Variants in LCP2 observed in about 807,000 individuals in gnomAD.
The protein encoded by LCP2 is 76 kDa tyrosine phosphoprotein.
A neutral mutation model predicts 74.5 loss-of-function variants in LCP2; 29 were observed. The observed-to-expected ratio is 0.39, with a 90% CI of 0.29 to 0.53. The LOEUF (loss-of-function observed/expected upper bound fraction) is 0.53, where lower values mean the gene tolerates loss of function less well. Among genes scored for constraint, LCP2 ranks in the 20% least tolerant of loss-of-function variants. The probability of loss-of-function intolerance (pLI) is 0.72; values close to 1 mark genes in which losing one functional copy is unlikely to be tolerated. For missense variants in LCP2, 604 were observed against 634.6 expected (o/e 0.95, Z 0.52); for synonymous variants, 228 against 229.5 (o/e 0.99, Z 0.06).
At chr5:170,283,203 G>A (rs768363413) in intron 3 of LCP2, among the ~76,000 whole-genome samples, 2 of 152,130 alleles carry the variant, frequency 1.3e-5, no homozygotes, top group Non-Finnish European at 2.9e-5. Flanking sequence ...TGGAGGAGGG[G>A]ATTACATCGC....
intron 3 of LCP2, among the ~76,000 whole-genome samples, chr5:170,284,305 G>C (rs1386924064): frequency 1.3e-5 from 2 of 152,160 alleles, no homozygotes; most frequent in Non-Finnish European, 2.9e-5. Flanking sequence ...TTCAGATTTT[G>C]TGTGTCTGAA....
intron 6 of LCP2, among the ~76,000 whole-genome samples, chr5:170,273,515 G>T (rs1761932508): frequency 6.6e-6 from 1 of 152,102 alleles, no homozygotes; most frequent in Non-Finnish European, 1.5e-5. Context: ...CTTACCAGAA[G>T]GCCCACGTGA....
intron 6 of LCP2, among the ~76,000 whole-genome samples, chr5:170,273,348 G>A (rs315741): frequency 0.71 from 108,310 of 152,132 alleles, 39,384 homozygotes; most frequent in African/African-American, 0.84. Flanking sequence ...CTTTGTACCA[G>A]AGAAATCTGT....
At chr5:170,290,463 C>G (rs769688706) in intron 2 of LCP2, among the ~76,000 whole-genome samples, 3 of 152,158 alleles carry the variant, frequency 2.0e-5, no homozygotes, top group Non-Finnish European at 4.4e-5. Flanking sequence ...TAAGATATAA[C>G]CAAAGTCTGC....
intron 18 of LCP2, among the ~76,000 whole-genome samples, chr5:170,252,903 A>G (rs1367056419): frequency 6.6e-6 from 1 of 152,278 alleles, no homozygotes; most frequent in Non-Finnish European, 1.5e-5. Context: ...TTGCTGTTTA[A>G]TGCAAAACAC....
chr5:170,285,639 T>A (rs1762171120), intron 3 of LCP2, among the ~76,000 whole-genome samples: 1 of 152,220 alleles, frequency 6.6e-6, no homozygotes, highest in South Asian at 2.1e-4. Flanking sequence ...CTAGGCACTC[T>A]ACCGAATGAC....
At chr5:170,284,878 G>A (rs1762157729) in intron 3 of LCP2, among the ~76,000 whole-genome samples, 1 of 151,676 alleles carries the variant, frequency 6.6e-6, no homozygotes, top group Non-Finnish European at 1.5e-5. Context: ...AGCCTCTTCA[G>A]TAGCTGGAAC....
chr5:170,267,002 T>C lies in LCP2; in HGVS notation c.688+7A>G. On this transcript the variant is annotated splice_region_variant and intron_variant, in intron 9 of 20. Coordinates refer to ENST00000046794, the MANE Select transcript of LCP2 (RefSeq NM_005565.5). Reference sequence around the variant, plus strand: ...ACAGGGCAAGAGAGAGCAGCCCTTGTACTCACGCTTTGCCGTTTTGTGGTT... The same window carrying C: ...ACAGGGCAAGAGAGAGCAGCCCTTGCACTCACGCTTTGCCGTTTTGTGGTT... 6.2e-7 allele frequency: 1 copy of C among 1,613,976 alleles called. No homozygotes were observed. Among genetic ancestry groups the C allele is most frequent in the Non-Finnish European group, 8.5e-7 (1 of 1,179,876 alleles).
intron 2 of LCP2, among the ~76,000 whole-genome samples, chr5:170,292,782 C>A (rs1203527653): frequency 6.6e-6 from 1 of 152,184 alleles, no homozygotes; most frequent in Non-Finnish European, 1.5e-5. Flanking sequence ...CCTTTAATGG[C>A]TTAGTCTTTA....
intron 2 of LCP2, among the ~76,000 whole-genome samples, chr5:170,289,636 T>C (rs1297792124): frequency 9.4e-6 from 1 of 106,616 alleles, no homozygotes; most frequent in Non-Finnish European, 1.9e-5. Flanking sequence ...TTTCTTTCTT[T>C]CTTTCTTTCT....
chr5:170,285,937 C>T (rs1250562684), intron 3 of LCP2, among the ~76,000 whole-genome samples: 1 of 152,230 alleles, frequency 6.6e-6, no homozygotes, highest in Non-Finnish European at 1.5e-5. Context: ...ACTGTGCTCC[C>T]TGCTCCCTGT....
intron 1 of LCP2, among the ~76,000 whole-genome samples, chr5:170,293,995 T>C (rs573482298): frequency 6.6e-6 from 1 of 152,214 alleles, no homozygotes; most frequent in Non-Finnish European, 1.5e-5. Context: ...AAGCTTTCTG[T>C]GTGGCAGGCA....
intron 17 of LCP2, 75 bp from the exon 18 acceptor site, chr5:170,253,288 T>TC: frequency 5.4e-6 from 5 of 924,750 alleles, no homozygotes; most frequent in Non-Finnish European, 8.3e-6. Flanking sequence ...CAAAACACAT[T>TC]CCCCCCACTC....
At chr5:170,261,277 A>G in intron 13 of LCP2, 140 bp from the exon 14 acceptor site, 1 of 663,884 alleles carries the variant, frequency 1.5e-6, no homozygotes, top group South Asian at 1.7e-5. Context: ...ACAGACCCCC[A>G]CAGAGCAGGG....
At chr5:170,263,807 C>A (rs1761702610) in intron 10 of LCP2, among the ~76,000 whole-genome samples, 1 of 152,100 alleles carries the variant, frequency 6.6e-6, no homozygotes, top group South Asian at 2.1e-4. Flanking sequence ...TTTTGAATCC[C>A]AATGTTATCA....
chr5:170,270,239 C>T (rs908925189), intron 7 of LCP2, among the ~76,000 whole-genome samples: 16 of 152,282 alleles, frequency 1.1e-4, no homozygotes, highest in African/African-American at 2.2e-4. Flanking sequence ...CAATAAAAAT[C>T]GTAAACACCA....
Position 170,248,578 on chromosome 5 carries a change from CTTGTG to C in LCP2, c.*114_*118del. 1 of 1,021,012 alleles carries C rather than the reference CTTGTG, an allele frequency of 9.8e-7. No homozygotes were observed. The highest frequency in any genetic ancestry group is 1.5e-6 in the Non-Finnish European group (1 of 674,996). 63.2% of individuals were successfully genotyped at this position (1,021,012 alleles called of 1,614,324 possible). A position where few individuals can be genotyped will look rare whatever the true frequency, so the allele number is the denominator to read the frequency against. ...TGTTTTTAAAGGAAAGGATAAAACC[CTTGTG>C]TTCATGGGGAGGGGTTCAGTTCAGT... is the stretch of plus-strand genomic sequence containing the variant. On this transcript the variant is annotated 3_prime_UTR_variant, in exon 21 of 21. Transcript: ENST00000046794.
intron 2 of LCP2, among the ~76,000 whole-genome samples, chr5:170,289,661 CTTTCTT>C (rs759236829): frequency 0.025 from 2,973 of 118,812 alleles, 54 homozygotes; most frequent in East Asian, 0.059. Flanking sequence ...TTCTTTCTTT[CTTTCTT>C]TCTTTCTCTC....
intron 7 of LCP2, among the ~76,000 whole-genome samples, chr5:170,269,067 C>G (rs1761841447): frequency 6.6e-6 from 1 of 152,194 alleles, no homozygotes; most frequent in South Asian, 2.1e-4. Context: ...CCTGGGCTAT[C>G]TCCTCCCTGA....
Sources: gnomAD v4.1 joint callset for allele counts (sites outside exome capture counted in the v4.1 genomes callset) on GRCh38, gnomAD v4.1.1 for gene constraint, MANE v1.5 for transcripts, NCBI Gene and HGNC (gene_info 2026-07-23, HGNC 2026-07-21) for gene names.